Variants in STK39 observed in about 807,000 individuals in gnomAD.
The protein encoded by STK39 is STE20/SPS1-related proline-alanine-rich protein kinase.
In STK39, 20 loss-of-function variants were observed where a neutral mutation model predicts 77.8. The ratio of observed to expected loss-of-function variants is 0.26; its 90% confidence interval spans 0.18 to 0.37. The LOEUF is 0.37. Ranked by LOEUF, STK39 falls within the 10% of genes least tolerant of loss-of-function variation. The pLI is 1.00. For missense variants in STK39, 479 were observed against 656.5 expected (o/e 0.73, Z 2.95); for synonymous variants, 246 against 234.1 (o/e 1.05, Z -0.47).
At chr2:168,068,141 T>C (rs1269118154) in intron 12 of STK39, among the ~76,000 whole-genome samples, 1 of 152,158 alleles carries the variant, frequency 6.6e-6, no homozygotes, top group Non-Finnish European at 1.5e-5. Flanking sequence ...GTCCCTCCCA[T>C]GACATGTAGG....
intron 15 of STK39, among the ~76,000 whole-genome samples, chr2:168,016,386 T>TC (rs1684404122): frequency 4.8e-5 from 1 of 20,916 alleles, no homozygotes; most frequent in East Asian, 1.1e-3. Flanking sequence ...TGGCCTTTGT[T>TC]CAAAAAAAAA....
intron 16 of STK39, among the ~76,000 whole-genome samples, chr2:167,997,259 C>T (rs965660120): frequency 1.3e-5 from 2 of 151,868 alleles, no homozygotes; most frequent in African/African-American, 4.8e-5. Flanking sequence ...ATTTCTACCT[C>T]CATTCTCTGC....
intron 10 of STK39, among the ~76,000 whole-genome samples, chr2:168,123,744 C>T (rs1156866579): frequency 6.6e-6 from 1 of 151,920 alleles, no homozygotes; most frequent in Non-Finnish European, 1.5e-5. Context: ...TGGCGGGCAC[C>T]TGTAATCCCA....
At chr2:168,107,327 A>T (rs1470033367) in intron 10 of STK39, among the ~76,000 whole-genome samples, 1 of 152,224 alleles carries the variant, frequency 6.6e-6, no homozygotes, top group African/African-American at 2.4e-5. Flanking sequence ...TCTGTAACAC[A>T]CCTTGATGCA....
chr2:168,133,817 C>G (rs1359292062), intron 8 of STK39, among the ~76,000 whole-genome samples: 1 of 151,418 alleles, frequency 6.6e-6, no homozygotes, highest in Non-Finnish European at 1.5e-5. Flanking sequence ...GAGATCATGC[C>G]ATTCCACTCC....
intron 15 of STK39, among the ~76,000 whole-genome samples, chr2:168,014,884 A>T (rs4667546): frequency 0.25 from 38,509 of 152,142 alleles, 5,234 homozygotes; most frequent in Non-Finnish European, 0.3. Flanking sequence ...GATAGCACTA[A>T]AACAGTACCA....
At chr2:167,983,291 C>T (rs1245587640) in intron 16 of STK39, among the ~76,000 whole-genome samples, 1 of 151,820 alleles carries the variant, frequency 6.6e-6, no homozygotes. Context: ...ACCAGCTTGA[C>T]CAAGATGGTG....
intron 16 of STK39, among the ~76,000 whole-genome samples, chr2:167,983,356 G>T (rs767829023): frequency 1.3e-5 from 2 of 150,434 alleles, no homozygotes; most frequent in Non-Finnish European, 2.9e-5. Flanking sequence ...TCACATGCCT[G>T]TAATGCCAGC....
chr2:168,095,771 G>T (rs1574461170), intron 10 of STK39, among the ~76,000 whole-genome samples: 1 of 151,860 alleles, frequency 6.6e-6, no homozygotes, highest in African/African-American at 2.4e-5. Flanking sequence ...GGACTACAGG[G>T]TATCTCTTTC....
At chr2:168,235,339 G>A (rs1009359114) in intron 1 of STK39, among the ~76,000 whole-genome samples, 17 of 152,066 alleles carry the variant, frequency 1.1e-4, no homozygotes, top group Non-Finnish European at 1.8e-4. Flanking sequence ...ACCACGGCCG[G>A]CCCGAGTCAA....
At position 168,236,434 on chromosome 2, in the gene STK39, G is replaced by A. The variant is rs1405069606; in HGVS notation, c.208+10794C>T. ...CACTCTGATGGTGGTTTCTTTTGCT[G>A]TGCAGAAGCTGTTTAGTTTAATTAC... On this transcript the variant is annotated intron_variant, in intron 1 of 17. Transcript: ENST00000355999. 3.9e-5 allele frequency among the ~76,000 whole-genome samples: 6 copies of A among 152,168 alleles called. No individual in the cohort carries two copies. In the South Asian group the frequency reaches 1.2e-3, roughly 32 times the overall value.
At chr2:168,014,715 C>G (rs1684363141) in intron 15 of STK39, among the ~76,000 whole-genome samples, 1 of 152,150 alleles carries the variant, frequency 6.6e-6, no homozygotes, top group Admixed American at 6.5e-5. Flanking sequence ...GAGCAGATAG[C>G]AGGTAGTCAT....
intron 1 of STK39, among the ~76,000 whole-genome samples, chr2:168,208,113 C>A (rs1225565867): frequency 6.6e-6 from 1 of 152,058 alleles, no homozygotes; most frequent in Admixed American, 6.5e-5. Context: ...ATGTAATGAA[C>A]ACTCCTGAGA....
intron 5 of STK39, among the ~76,000 whole-genome samples, chr2:168,161,336 T>C (rs1399097199): frequency 1.3e-5 from 2 of 152,236 alleles, no homozygotes; most frequent in African/African-American, 2.4e-5. Context: ...AATAGCCATG[T>C]TGGGTCAGAG....
At chr2:167,964,789 A>G in intron 16 of STK39, 63 bp from the exon 17 acceptor site, 1 of 1,399,044 alleles carries the variant, frequency 7.1e-7, no homozygotes, top group Non-Finnish European at 9.9e-7. Flanking sequence ...GGATTTTCAC[A>G]TCAATGACTC....
chr2:168,029,711 CG>C (rs1559064545), intron 14 of STK39, among the ~76,000 whole-genome samples: 1 of 152,098 alleles, frequency 6.6e-6, no homozygotes, highest in Non-Finnish European at 1.5e-5. Flanking sequence ...CTTTCTCCGA[CG>C]GGTATTTGAA....
At chr2:168,235,385 A>ATC (rs1690574399) in intron 1 of STK39, among the ~76,000 whole-genome samples, 1 of 152,108 alleles carries the variant, frequency 6.6e-6, no homozygotes, top group Non-Finnish European at 1.5e-5. Context: ...ACCAACAAGG[A>ATC]AACAATGTGA....
chr2:168,076,527 G>A (rs1008327992), intron 10 of STK39, among the ~76,000 whole-genome samples: 1 of 152,128 alleles, frequency 6.6e-6, no homozygotes, highest in African/African-American at 2.4e-5. Context: ...CATAAAAAAT[G>A]CATGCTAGGG....
chr2:168,203,123 TC>T (rs1689653643), intron 1 of STK39, among the ~76,000 whole-genome samples: 1 of 151,772 alleles, frequency 6.6e-6, no homozygotes, highest in African/African-American at 2.4e-5. Flanking sequence ...TCCCCACATC[TC>T]CCCAGGCGCA....
Sources: gnomAD v4.1 joint callset for allele counts (sites outside exome capture counted in the v4.1 genomes callset) on GRCh38, gnomAD v4.1.1 for gene constraint, MANE v1.5 for transcripts, NCBI Gene and HGNC (gene_info 2026-07-23, HGNC 2026-07-21) for gene names.